Variants in RBM19 observed in about 807,000 individuals in gnomAD.
RBM19 encodes probable RNA-binding protein 19.
RBM19 carries 94 observed loss-of-function variants against 116.8 expected under a neutral mutation model. That is an observed-to-expected ratio of 0.80 (90% CI 0.68 to 0.95). The LOEUF (loss-of-function observed/expected upper bound fraction) is 0.95, where lower values mean the gene tolerates loss of function less well. Among genes scored for constraint, RBM19 ranks in the 40% least tolerant of loss-of-function variants. The pLI is 0.00. For synonymous variants in RBM19, 475 were observed against 494.1 expected (o/e 0.96, Z 0.51); for missense variants, 1,161 against 1,220.7 (o/e 0.95, Z 0.73).
chr12:113,879,223 C>T (rs1467988407), intron 21 of RBM19, among the ~76,000 whole-genome samples: 1 of 152,042 alleles, frequency 6.6e-6, no homozygotes, highest in Admixed American at 6.6e-5. Flanking sequence ...TTCTGGACCA[C>T]ATTCTGTACA....
chr12:113,932,054 GC>G (rs1440458166), intron 16 of RBM19, among the ~76,000 whole-genome samples: 1 of 152,230 alleles, frequency 6.6e-6, no homozygotes, highest in African/African-American at 2.4e-5. Flanking sequence ...CTCAGCATGT[GC>G]CTAGAACACA....
intron 1 of RBM19, among the ~76,000 whole-genome samples, chr12:113,965,277 G>GT (rs1555248771): frequency 7.9e-6 from 1 of 127,216 alleles, no homozygotes; most frequent in African/African-American, 3.4e-5. Flanking sequence ...GCCAGACTCC[G>GT]TTTAAAAAAA....
chr12:113,880,198 A>C (rs150423484), intron 21 of RBM19, among the ~76,000 whole-genome samples: 25 of 152,210 alleles, frequency 1.6e-4, no homozygotes, highest in Admixed American at 2.6e-4. Flanking sequence ...AACAAAACAA[A>C]ACAAAACAAA....
chr12:113,894,192 G>T (rs1049311028), intron 21 of RBM19, among the ~76,000 whole-genome samples: 1 of 152,310 alleles, frequency 6.6e-6, no homozygotes. Context: ...AGGCTCAGGG[G>T]GTGTGAGTCA....
Position 113,949,694 on chromosome 12 carries a change from G to A in RBM19, c.1072+389C>T, listed in dbSNP as rs560176450. On this transcript the variant is annotated intron_variant, in intron 9 of 23. Transcript: ENST00000261741. The stretch of plus-strand genomic sequence containing the variant: ...GTTCCCTCTACTGAACATCCTGTCC[G>A]TAGAGCCAGAGCCTACACAACTGTA... Among the ~76,000 whole-genome samples, 3 of 152,200 alleles carry A rather than the reference G, an allele frequency of 2.0e-5. No homozygotes were observed. In the East Asian group the frequency reaches 5.8e-4, roughly 29 times the overall value.
chr12:113,856,042 T>C (rs1877875275), intron 22 of RBM19, among the ~76,000 whole-genome samples: 1 of 152,178 alleles, frequency 6.6e-6, no homozygotes, highest in Non-Finnish European at 1.5e-5. Flanking sequence ...GTGCGTTCCA[T>C]GGCACAAGCC....
chr12:113,963,179 A>C (rs1220050929), intron 1 of RBM19, among the ~76,000 whole-genome samples: 4 of 152,202 alleles, frequency 2.6e-5, no homozygotes, highest in African/African-American at 9.7e-5. Flanking sequence ...CAAAACTGTA[A>C]GATAAGGATT....
Position 113,844,655 on chromosome 12 carries a change from G to T in RBM19, c.2785+13C>A, listed in dbSNP as rs780326366. The T allele has an allele frequency of 6.2e-7, 1 of 1,608,002 alleles. No individual in the cohort carries two copies. Among genetic ancestry groups the T allele is most frequent in the South Asian group, 1.1e-5 (1 of 89,970 alleles). Reference sequence around the variant, plus strand: ...GGCCCATGAGTCAGCCCAAAAGACCGTCCCGCTCCTACCGTGAAAGTGAGC... The same window carrying T: ...GGCCCATGAGTCAGCCCAAAAGACCTTCCCGCTCCTACCGTGAAAGTGAGC... On this transcript the variant is annotated intron_variant, in intron 23 of 23. Transcript: ENST00000261741.
At chr12:113,875,763 G>A (rs764211258) in intron 21 of RBM19, among the ~76,000 whole-genome samples, 4 of 152,230 alleles carry the variant, frequency 2.6e-5, no homozygotes, top group Admixed American at 6.5e-5. Flanking sequence ...GTTAAAGAGC[G>A]TCATTTGCAA....
At chr12:113,938,648 G>A (rs1055205710) in intron 15 of RBM19, among the ~76,000 whole-genome samples, 2 of 152,206 alleles carry the variant, frequency 1.3e-5, no homozygotes, top group African/African-American at 4.8e-5. Context: ...TTCATTAAGT[G>A]AAAGATTTTG....
At chr12:113,882,368 G>A (rs1416775399) in intron 21 of RBM19, among the ~76,000 whole-genome samples, 2 of 152,210 alleles carry the variant, frequency 1.3e-5, no homozygotes, top group African/African-American at 4.8e-5. Context: ...TGAAGTGGAG[G>A]AATGGCCTAG....
chr12:113,857,417 C>T (rs143070664), intron 22 of RBM19, among the ~76,000 whole-genome samples: 22 of 152,364 alleles, frequency 1.4e-4, no homozygotes, highest in African/African-American at 4.6e-4. Flanking sequence ...GATCAGAAAA[C>T]TGTGGCACAG....
chr12:113,937,227 T>C, intron 15 of RBM19, 91 bp from the exon 16 acceptor site: 1 of 1,476,836 alleles, frequency 6.8e-7, no homozygotes, highest in Non-Finnish European at 9.2e-7. Context: ...AGCCCAAGGG[T>C]CACAGAGGAT....
At chr12:113,856,721 C>A (rs1220360121) in intron 22 of RBM19, among the ~76,000 whole-genome samples, 1 of 152,176 alleles carries the variant, frequency 6.6e-6, no homozygotes, top group Non-Finnish European at 1.5e-5. Context: ...AGAAGGGGAA[C>A]ACCCTTTCTT....
At chr12:113,835,819 C>T (rs536149710) in intron 23 of RBM19, among the ~76,000 whole-genome samples, 22 of 152,330 alleles carry the variant, frequency 1.4e-4, no homozygotes, top group South Asian at 1.2e-3. Flanking sequence ...AGACGCTAAC[C>T]ACAGCCCATC....
intron 21 of RBM19, among the ~76,000 whole-genome samples, chr12:113,905,774 T>C (rs1314426078): frequency 1.3e-5 from 2 of 151,856 alleles, no homozygotes; most frequent in African/African-American, 2.4e-5. Flanking sequence ...TACAAGCCAG[T>C]TTTTAAAAAG....
At chr12:113,943,693 C>T (rs1286503411) in intron 13 of RBM19, among the ~76,000 whole-genome samples, 1 of 151,854 alleles carries the variant, frequency 6.6e-6, no homozygotes, top group Non-Finnish European at 1.5e-5. Flanking sequence ...CATGGTGGTG[C>T]GTGCCTGTAA....
At chr12:113,851,539 G>A (rs1294632100) in intron 22 of RBM19, among the ~76,000 whole-genome samples, 2 of 152,172 alleles carry the variant, frequency 1.3e-5, no homozygotes. Flanking sequence ...CTCCCCTCAG[G>A]CACAGGCCTG....
At chr12:113,854,438 C>A (rs933759453) in intron 22 of RBM19, among the ~76,000 whole-genome samples, 2 of 152,048 alleles carry the variant, frequency 1.3e-5, no homozygotes, top group Non-Finnish European at 2.9e-5. Context: ...CTGCTTGAGT[C>A]CTTGACTTCC....
Sources: allele counts gnomAD v4.1 joint callset (sites outside exome capture counted in the v4.1 genomes callset), GRCh38; gene constraint gnomAD v4.1.1; transcripts MANE v1.5; gene names NCBI Gene and HGNC (gene_info 2026-07-23, HGNC 2026-07-21).